The following DDX6 variants were observed in gnomAD, a reference collection of about 807,000 sequenced individuals.
DDX6 encodes probable ATP-dependent RNA helicase DDX6.
DDX6 carries 7 observed loss-of-function variants against 60.6 expected under a neutral mutation model. The observed-to-expected ratio is 0.12, with a 90% CI of 0.07 to 0.22. The LOEUF is 0.22. DDX6 is among the 10% of genes least tolerant of loss of function. The pLI, the probability that DDX6 is intolerant of heterozygous loss-of-function variation, is 1.00. For synonymous variants in DDX6, 207 were observed against 201.0 expected (o/e 1.03, Z -0.25); for missense variants, 270 against 589.9 (o/e 0.46, Z 5.62).
intron 2 of DDX6, among the ~76,000 whole-genome samples, chr11:118,781,471 T>A (rs1346332047): frequency 6.6e-6 from 1 of 152,214 alleles, no homozygotes; most frequent in African/African-American, 2.4e-5. Context: ...ACACAGCATG[T>A]GTTTTAATTT....
Position 118,749,358 on chromosome 11 carries a change from G to GAAAAAAAAAAAAAAAAAAAAA in DDX6, c.*2726_*2746dup, listed in dbSNP as rs386375042. ...TTATTATGAGGGCCCAAAAAAGAAAGAAAAAAAAAAAAAAAAAAAAAAAGA... is the reference window on the plus strand; with the variant it reads ...TTATTATGAGGGCCCAAAAAAGAAAGAAAAAAAAAAAAAAAAAAAAAAAAAAAAAAAAAAAAAAAAAAAAGA... On this transcript the variant is annotated 3_prime_UTR_variant, in exon 14 of 14. Transcript: ENST00000534980. 1 of 91,794 alleles carries GAAAAAAAAAAAAAAAAAAAAA rather than the reference G, an allele frequency of 1.1e-5. No individual in the cohort carries two copies. The highest frequency in any genetic ancestry group is 2.0e-5 in the Non-Finnish European group (1 of 49,836). The allele number at this position is 91,794 out of a possible 1,614,324, so 5.7% of individuals were successfully genotyped here.
chr11:118,759,105 G>C (rs891653204), intron 8 of DDX6: 9 of 587,766 alleles, frequency 1.5e-5, no homozygotes, highest in Admixed American at 3.4e-5. Flanking sequence ...TGTCACCCAG[G>C]CTGGAGTGTA....
intron 4 of DDX6, among the ~76,000 whole-genome samples, chr11:118,769,958 T>C (rs549541367): frequency 5.9e-5 from 9 of 152,016 alleles, no homozygotes; most frequent in Admixed American, 4.6e-4. Context: ...TCCACCCGCT[T>C]TGGCCTCCCA....
intron 13 of DDX6, among the ~76,000 whole-genome samples, chr11:118,753,089 C>A (rs1860834163): frequency 6.6e-6 from 1 of 152,170 alleles, no homozygotes; most frequent in Non-Finnish European, 1.5e-5. Context: ...AGTGCAATGG[C>A]ATGACCTCGG....
At chr11:118,791,319 C>T (rs12796102), upstream of DDX6, 59,883 of 151,904 alleles carry the variant, frequency 0.39, 12,211 homozygotes, top group Admixed American at 0.52. Context: ...CCTTCCTGGC[C>T]TGGTGGTGAG....
chr11:118,760,850 G>C (rs1177369019), intron 7 of DDX6, among the ~76,000 whole-genome samples: 2 of 146,402 alleles, frequency 1.4e-5, no homozygotes, highest in Non-Finnish European at 3.0e-5. Context: ...AAAAAGTAAG[G>C]GTTCTGAGGC....
At chr11:118,779,149 C>G (rs1417062909) in intron 4 of DDX6, among the ~76,000 whole-genome samples, 4 of 68,200 alleles carry the variant, frequency 5.9e-5, no homozygotes, top group Non-Finnish European at 1.1e-4. Context: ...GGGCAAGACC[C>G]AGTTGCCAAA....
rs968294108 is a variant in DDX6, at chr11:118,749,371, A to G, written c.*2734T>C. The G allele has an allele frequency of 3.3e-5, 5 of 149,858 alleles. No homozygotes were observed. The highest frequency in any genetic ancestry group is 1.3e-4 in the Admixed American group (2 of 15,034). The allele number at this position is 149,858 out of a possible 1,614,324, so 9.3% of individuals were successfully genotyped here. A position where few individuals can be genotyped will look rare whatever the true frequency, so the allele number is the denominator to read the frequency against. Reference sequence around the variant, plus strand: ...CCAAAAAAGAAAGAAAAAAAAAAAAAAAAAAAAAAAGACCAGGCTTTGACC... The same window carrying G: ...CCAAAAAAGAAAGAAAAAAAAAAAAGAAAAAAAAAAGACCAGGCTTTGACC... On this transcript the variant is annotated 3_prime_UTR_variant, in exon 14 of 14. Coordinates refer to ENST00000534980, the MANE Select transcript of DDX6 (RefSeq NM_004397.6).
intron 4 of DDX6, among the ~76,000 whole-genome samples, chr11:118,779,431 G>C (rs1241055970): frequency 6.6e-6 from 1 of 152,080 alleles, no homozygotes; most frequent in Admixed American, 6.5e-5. Context: ...TTACGTAAGA[G>C]AATATCCTAA....
intron 11 of DDX6, among the ~76,000 whole-genome samples, 165 bp from the exon 12 acceptor site, chr11:118,755,668 A>T (rs184380586): frequency 2.6e-5 from 4 of 152,318 alleles, no homozygotes; most frequent in African/African-American, 9.6e-5. Context: ...TATCATAAAT[A>T]ACTTTCTGCT....
intron 4 of DDX6, among the ~76,000 whole-genome samples, chr11:118,768,987 C>CAAAAAAA (rs782136763): frequency 0.29 from 11,576 of 39,832 alleles, 3,966 homozygotes; most frequent in Admixed American, 0.38. Flanking sequence ...CGTCTCATCT[C>CAAAAAAA]AAAAAAAAAA....
chr11:118,782,458 T>C (rs1228645427), intron 2 of DDX6, among the ~76,000 whole-genome samples: 1 of 151,634 alleles, frequency 6.6e-6, no homozygotes, highest in Non-Finnish European at 1.5e-5. Flanking sequence ...AGTATTTAAC[T>C]GTGACATCTT....
In DDX6 at chr11:118,774,059, C is replaced by T. The variant is rs77577723; in HGVS notation, c.369+5573G>A. On this transcript the variant is annotated intron_variant, in intron 4 of 13. Transcript: ENST00000534980. Reference sequence around the variant, plus strand: ...CTGACCTGGCACAAAATTTTGTTGCCAACAGTACGGAGCTTCCATGTTTCC... The same window carrying T: ...CTGACCTGGCACAAAATTTTGTTGCTAACAGTACGGAGCTTCCATGTTTCC... Among the ~76,000 whole-genome samples the T allele has an allele frequency of 6.5e-3, 986 of 152,018 alleles. 15 individuals are homozygous for T. The highest frequency in any genetic ancestry group is 0.022 in the African/African-American group (912 of 41,454).
intron 4 of DDX6, among the ~76,000 whole-genome samples, chr11:118,775,347 C>T (rs1267728167): frequency 6.6e-6 from 1 of 152,078 alleles, no homozygotes; most frequent in Non-Finnish European, 1.5e-5. Flanking sequence ...TGTAACCAAA[C>T]ACCACCTGTT....
At chr11:118,775,632 G>A (rs1214411975) in intron 4 of DDX6, among the ~76,000 whole-genome samples, 1 of 152,158 alleles carries the variant, frequency 6.6e-6, no homozygotes, top group Non-Finnish European at 1.5e-5. Flanking sequence ...TACTTTGGTT[G>A]TACACTACAT....
chr11:118,770,007 C>T (rs1329620397), intron 4 of DDX6, among the ~76,000 whole-genome samples: 1 of 151,776 alleles, frequency 6.6e-6, no homozygotes, highest in Non-Finnish European at 1.5e-5. Context: ...CGCGCCGGGC[C>T]ATGATGTGGA....
chr11:118,758,055 G>C (rs781996905), intron 9 of DDX6, among the ~76,000 whole-genome samples: 4 of 152,180 alleles, frequency 2.6e-5, no homozygotes, highest in Non-Finnish European at 4.4e-5. Flanking sequence ...AGCTAAACAA[G>C]AGGACAGAGA....
chr11:118,776,002 C>G (rs1428994486), intron 4 of DDX6, among the ~76,000 whole-genome samples: 1 of 150,554 alleles, frequency 6.6e-6, no homozygotes, highest in African/African-American at 2.4e-5. Flanking sequence ...CAAAAAACAA[C>G]CAGGTGTGCT....
intron 1 of DDX6, chr11:118,787,572 C>T (rs1378151835): frequency 6.6e-6 from 1 of 151,924 alleles, no homozygotes; most frequent in African/African-American, 2.4e-5. Flanking sequence ...GGCTGAAGCA[C>T]GAGAATCGCT....
Sources: allele counts gnomAD v4.1 joint callset (sites outside exome capture counted in the v4.1 genomes callset), GRCh38; gene constraint gnomAD v4.1.1; transcripts MANE v1.5; gene names NCBI Gene and HGNC (gene_info 2026-07-23, HGNC 2026-07-21).